SEM1: variants seen among roughly 807,000 people sequenced by gnomAD.
The protein encoded by SEM1 is 26S proteasome complex subunit SEM1.
A neutral mutation model predicts 12.7 loss-of-function variants in SEM1; 3 were observed. The ratio of observed to expected loss-of-function variants is 0.24; its 90% CI spans 0.11 to 0.61. SEM1 has a LOEUF of 0.61. Ranked by LOEUF, SEM1 falls within the 20% of genes least tolerant of loss-of-function variation. SEM1 has a pLI of 0.88. For synonymous variants in SEM1, 30 were observed against 27.8 expected, an observed-to-expected ratio of 1.08 and a Z score of -0.25; for missense variants, 59 against 81.3, an observed-to-expected ratio of 0.73 and a Z score of 1.06.
chr7:96,673,901 G>A, intron 2 of SEM1: 1 of 758,672 alleles, frequency 1.3e-6, no homozygotes, highest in Non-Finnish European at 2.4e-6. Flanking sequence ...TAAGTATCAA[G>A]CCACTGTGAT....
intron 2 of SEM1, among the ~76,000 whole-genome samples, chr7:96,552,755 C>A (rs1805327952): frequency 6.6e-6 from 1 of 152,072 alleles, no homozygotes; most frequent in Non-Finnish European, 1.5e-5. Flanking sequence ...TTCTAGATCC[C>A]TGAGGAATCG....
At chr7:96,490,669 G>C (rs1282162110) in intron 1 of SEM1, among the ~76,000 whole-genome samples, 1 of 152,124 alleles carries the variant, frequency 6.6e-6, no homozygotes, top group African/African-American at 2.4e-5. Flanking sequence ...GGTCAGGGTG[G>C]GGGTGGACTA....
intron 2 of SEM1, among the ~76,000 whole-genome samples, chr7:96,542,331 A>G (rs1804982515): frequency 1.3e-5 from 2 of 151,602 alleles, no homozygotes; most frequent in South Asian, 4.1e-4. Flanking sequence ...TTGGTTACAT[A>G]TATTCTTAGG....
intron 2 of SEM1, among the ~76,000 whole-genome samples, chr7:96,533,698 C>T (rs954093084): frequency 2.6e-5 from 4 of 151,946 alleles, no homozygotes; most frequent in Non-Finnish European, 5.9e-5. Context: ...TCTGGGGGGT[C>T]CCTAAGATAC....
At chr7:96,635,055 G>A (rs1808389026) in intron 2 of SEM1, among the ~76,000 whole-genome samples, 1 of 152,086 alleles carries the variant, frequency 6.6e-6, no homozygotes, top group Non-Finnish European at 1.5e-5. Flanking sequence ...AAAGATGAAA[G>A]TGACCAGGAT....
At chr7:96,653,244 A>T (rs1049194479) in intron 2 of SEM1, among the ~76,000 whole-genome samples, 1 of 152,352 alleles carries the variant, frequency 6.6e-6, no homozygotes, top group Non-Finnish European at 1.5e-5. Context: ...AAACAAAAAA[A>T]GGCAGATATC....
downstream of SEM1, among the ~76,000 whole-genome samples, chr7:96,618,320 A>G (rs1400652912): frequency 6.6e-6 from 1 of 152,052 alleles, no homozygotes; most frequent in Non-Finnish European, 1.5e-5. Flanking sequence ...TTTTCTCTTA[A>G]AATTCGTTTT....
At chr7:96,671,670 T>C (rs181762349), downstream of SEM1, among the ~76,000 whole-genome samples, 187 of 152,236 alleles carry the variant, frequency 1.2e-3, no homozygotes, top group African/African-American at 4.4e-3. Flanking sequence ...AATGAACATA[T>C]AACCGATTGA....
chr7:96,518,553 T>A (rs965096874), intron 2 of SEM1, among the ~76,000 whole-genome samples: 5 of 152,002 alleles, frequency 3.3e-5, no homozygotes, highest in African/African-American at 1.2e-4. Flanking sequence ...ATTACTGGAG[T>A]TGGGATATCA....
At chr7:96,629,279 T>C (rs1026718089) in intron 2 of SEM1, among the ~76,000 whole-genome samples, 1 of 152,132 alleles carries the variant, frequency 6.6e-6, no homozygotes, top group Non-Finnish European at 1.5e-5. Flanking sequence ...CTCTTAGATT[T>C]GCCCTTTTGC....
At chr7:96,563,690 A>G (rs1805760525) in intron 2 of SEM1, among the ~76,000 whole-genome samples, 3 of 152,168 alleles carry the variant, frequency 2.0e-5, no homozygotes, top group Admixed American at 1.3e-4. Flanking sequence ...TTTGTTAGGC[A>G]TCTGTGTTAG....
chr7:96,698,928 T>A (rs762810514), intron 1 of SEM1, among the ~76,000 whole-genome samples: 2 of 152,200 alleles, frequency 1.3e-5, no homozygotes, highest in African/African-American at 2.4e-5. Flanking sequence ...CCAGCATAAA[T>A]TTTTAAAAAT....
chr7:96,683,263 C>A (rs937395887), intron 2 of SEM1, among the ~76,000 whole-genome samples: 8 of 151,652 alleles, frequency 5.3e-5, no homozygotes, highest in African/African-American at 1.9e-4. Flanking sequence ...ATTTATACAG[C>A]CAACAAACAT....
intron 2 of SEM1, among the ~76,000 whole-genome samples, chr7:96,511,092 G>T (rs1803920543): frequency 6.6e-6 from 1 of 152,076 alleles, no homozygotes; most frequent in Non-Finnish European, 1.5e-5. Flanking sequence ...GTCCTTGGTA[G>T]ACTCTAATCA....
intron 2 of SEM1, among the ~76,000 whole-genome samples, chr7:96,530,930 G>A (rs1040187119): frequency 6.6e-6 from 1 of 152,088 alleles, no homozygotes; most frequent in Non-Finnish European, 1.5e-5. Flanking sequence ...TGATCATCAT[G>A]AGAGGAAGAG....
intron 1 of SEM1, among the ~76,000 whole-genome samples, chr7:96,494,376 C>T (rs1803152935): frequency 6.6e-6 from 1 of 152,094 alleles, no homozygotes; most frequent in Non-Finnish European, 1.5e-5. Flanking sequence ...TTGAAATGTT[C>T]TTACTACTGT....
intron 1 of SEM1, among the ~76,000 whole-genome samples, chr7:96,697,635 A>C (rs1330624834): frequency 2.0e-5 from 3 of 152,152 alleles, no homozygotes; most frequent in African/African-American, 4.8e-5. Flanking sequence ...TAAACAACCT[A>C]ATCTCCAACC....
chr7:96,486,486 G>A, intron 1 of SEM1: 2 of 1,230,598 alleles, frequency 1.6e-6, no homozygotes, highest in Middle Eastern at 1.9e-4. Context: ...GCGGGCACCT[G>A]TTCCACCTGG....
In SEM1 at chr7:96,511,625, G is replaced by C. The variant is rs1057029957; in HGVS notation, c.171-4927C>G. Among the ~76,000 whole-genome samples the C allele has an allele frequency of 2.6e-5, 4 of 152,028 alleles. No individual in the cohort carries two copies. The East Asian group carries it at 7.7e-4, about 29-fold the overall frequency. On this transcript the variant is annotated intron_variant and NMD_transcript_variant, in intron 2 of 3. Coordinates refer to the SEM1 transcript ENST00000466986. ...ATAGAATGTCATATTGAAGATTTTT[G>C]GGAAATACACAGTGTTTGTGAAAAG... is the stretch of plus-strand genomic sequence containing the variant.
Sources: gnomAD v4.1 joint callset for allele counts (sites outside exome capture counted in the v4.1 genomes callset) on GRCh38, gnomAD v4.1.1 for gene constraint, MANE v1.5 for transcripts, NCBI Gene and HGNC (gene_info 2026-07-23, HGNC 2026-07-21) for gene names.